SLC6A16: variants seen among roughly 807,000 people sequenced by gnomAD.
The protein encoded by SLC6A16 is solute carrier family 6 member 16.
SLC6A16 carries 54 observed loss-of-function variants against 65.4 expected under a neutral mutation model. The ratio of observed to expected loss-of-function variants is 0.83; its 90% CI spans 0.66 to 1.04. The LOEUF (loss-of-function observed/expected upper bound fraction) is 1.04. SLC6A16 is among the 50% of genes least tolerant of loss of function. The pLI, the probability that SLC6A16 is intolerant of heterozygous loss-of-function variation, is 0.00. For synonymous variants in SLC6A16, 330 were observed against 346.5 expected, an observed-to-expected ratio of 0.95 and a Z score of 0.53; for missense variants, 816 against 914.0, an observed-to-expected ratio of 0.89 and a Z score of 1.38.
chr19:49,332,777 C>T, the SLC6A16 span, among the ~76,000 whole-genome samples: 1 of 152,098 alleles, frequency 6.6e-6, no homozygotes, highest in East Asian at 1.9e-4. Flanking sequence ...ATGATGGGAA[C>T]CTGACTTAGG....
At chr19:49,315,415 A>C (rs1456119508) in intron 1 of SLC6A16, among the ~76,000 whole-genome samples, 1 of 152,202 alleles carries the variant, frequency 6.6e-6, no homozygotes, top group African/African-American at 2.4e-5. Context: ...TCTCCCTGAG[A>C]CAAATGATGC....
intron 7 of SLC6A16, 97 bp downstream of exon 7, chr19:49,308,779 T>A (rs780549807): frequency 2.7e-6 from 4 of 1,482,224 alleles, no homozygotes; most frequent in Non-Finnish European, 3.7e-6. Flanking sequence ...AAGGTTGAAA[T>A]GTGTGAACAT....
At chr19:49,317,038 TA>T (rs1160914549) in intron 1 of SLC6A16, among the ~76,000 whole-genome samples, 1 of 149,032 alleles carries the variant, frequency 6.7e-6, no homozygotes, top group East Asian at 2.0e-4. Context: ...CCTCATTCTC[TA>T]AAAAAATAAA....
At chr19:49,294,972 G>C (rs1468812520) in intron 7 of SLC6A16, among the ~76,000 whole-genome samples, 1 of 152,078 alleles carries the variant, frequency 6.6e-6, no homozygotes, top group East Asian at 1.9e-4. Flanking sequence ...GCAACTGCTT[G>C]TTCGACTTTT....
intron 1 of SLC6A16, among the ~76,000 whole-genome samples, chr19:49,316,976 G>A (rs1249492838): frequency 6.6e-6 from 1 of 151,936 alleles, no homozygotes; most frequent in African/African-American, 2.4e-5. Flanking sequence ...GTTCAAGGTT[G>A]CAGTGGGCTA....
chr19:49,309,206 G>T, intron 6 of SLC6A16, 89 bp from the exon 7 acceptor site: 1 of 1,587,252 alleles, frequency 6.3e-7, no homozygotes, highest in East Asian at 2.2e-5. Flanking sequence ...GAGAGAGGGA[G>T]ATACAAAAGT....
chr19:49,293,451 C>T, intron 9 of SLC6A16, 69 bp from the exon 10 acceptor site: 10 of 1,502,924 alleles, frequency 6.7e-6, no homozygotes, highest in Non-Finnish European at 9.2e-6. Flanking sequence ...AAGTAGAGGC[C>T]ATAGACCAGG....
In SLC6A16 at chr19:49,293,285, G is replaced by A. The variant is rs1970114576; in HGVS notation, c.1716C>T (p.Phe572=). ...CAAATACGACAACGACGATGATGGG[G>A]AAGACTATCCAGTAGTCACTCAGCA... ...IRLLSDYWIV[F]PIIVVVVFET... The change falls in exon 10 of 12, where the codon TTC becomes TTT. Residue 572 remains phenylalanine (F), a synonymous_variant. Coordinates refer to ENST00000335875, the MANE Select transcript of SLC6A16 (RefSeq NM_014037.3). 1 of 1,614,092 alleles carries A rather than the reference G, an allele frequency of 6.2e-7. No individual in the cohort carries two copies. The highest frequency in any genetic ancestry group is 8.5e-7 in the Non-Finnish European group (1 of 1,179,984).
At chr19:49,322,817 CTTTTTTTTTTTTTTTTTTTTTTTTTTTTT>C (rs536909742) in intron 1 of SLC6A16, among the ~76,000 whole-genome samples, 8 of 42,006 alleles carry the variant, frequency 1.9e-4, no homozygotes, top group East Asian at 1.4e-3. Flanking sequence ...GAATTAGTAG[CTTTTTTTTTTTTTTTTTTTTTTTTTTTTT>C]TTTTTTTTTT....
At chr19:49,325,216 G>A (rs187434014), upstream of SLC6A16, 837 of 985,166 alleles carry the variant, frequency 8.5e-4, 4 homozygotes, top group East Asian at 8.0e-3. Flanking sequence ...CTTTCCCGCC[G>A]ATTCTCTGCG....
Position 49,303,523 on chromosome 19 carries a change from C to T in SLC6A16, c.1229+5353G>A, listed in dbSNP as rs149230527. Among the ~76,000 whole-genome samples the T allele has an allele frequency of 2.2e-3, 328 of 151,952 alleles. 1 individual carries two copies. The highest frequency in any genetic ancestry group is 7.3e-3 in the African/African-American group (302 of 41,432). ...TACAAAAATTGGCTGGGCATGGTGG[C>T]GCCCACCTGTAGTCCCAGCTACTTG... On this transcript the variant is annotated intron_variant, in intron 7 of 11. Transcript: ENST00000335875.
chr19:49,315,705 T>TA (rs1448610332), intron 1 of SLC6A16, among the ~76,000 whole-genome samples: 1 of 151,936 alleles, frequency 6.6e-6, no homozygotes, highest in African/African-American at 2.4e-5. Context: ...TCTCAAGAGA[T>TA]ATAGGAAAAA....
chr19:49,325,159 C>A lies in SLC6A16; in HGVS notation c.-176G>T, dbSNP rs923950883. ...AATCTCCTCAGGCCCCTTCAGGCGTCGACAGATCGGTTTGGGCGACACCCC... is the reference window on the plus strand; with the variant it reads ...AATCTCCTCAGGCCCCTTCAGGCGTAGACAGATCGGTTTGGGCGACACCCC... On this transcript the variant is annotated 5_prime_UTR_variant, in exon 1 of 12. Coordinates refer to ENST00000335875, the MANE Select transcript of SLC6A16 (RefSeq NM_014037.3). 1.0e-6 allele frequency: 1 copy of A among 985,364 alleles called. No homozygotes were observed. Among genetic ancestry groups the A allele is most frequent in the Admixed American group, 6.1e-5 (1 of 16,272 alleles). 61.0% of individuals were successfully genotyped at this position (985,364 alleles called of 1,614,324 possible). A position where few individuals can be genotyped will look rare whatever the true frequency, so the allele number is the denominator to read the frequency against.
At position 49,292,458 on chromosome 19, in the gene SLC6A16, C is replaced by G. The variant is rs1441121782; in HGVS notation, c.1778+765G>C. On this transcript the variant is annotated intron_variant, in intron 10 of 11. Transcript: ENST00000335875. This position sits in a 1 kb window ranked among gnomAD's most constrained non-coding sequence, Gnocchi z 4.3. ...TCCTGGTCTGTTCTCCAGACAGCAG[C>G]CATAAATACCTTTTTAAAAAACAAA... 6.6e-6 allele frequency among the ~76,000 whole-genome samples: 1 copy of G among 152,172 alleles called. No individual in the cohort carries two copies. Among genetic ancestry groups the G allele is most frequent in the Non-Finnish European group, 1.5e-5 (1 of 68,036 alleles).
rs1001961909 is a variant in SLC6A16, at chr19:49,289,917, A to G, written c.*206T>C. ...ATGTGTGTTGAGGAAGAGGATGGGG[A>G]AAACAATGATGGTGGTCACCAGGTA... On this transcript the variant is annotated 3_prime_UTR_variant, in exon 12 of 12. Transcript: ENST00000335875. The G allele has an allele frequency of 9.8e-5, 58 of 592,140 alleles. No homozygotes were observed. Among genetic ancestry groups the G allele is most frequent in the Non-Finnish European group, 1.5e-4 (51 of 333,914 alleles). The allele number at this position is 592,140 out of a possible 1,614,324, so 36.7% of individuals were successfully genotyped here. A position where few individuals can be genotyped will look rare whatever the true frequency, so the allele number is the denominator to read the frequency against.
At chr19:49,337,310 G>A in the SLC6A16 span, 1 of 1,205,460 alleles carries the variant, frequency 8.3e-7, no homozygotes, top group Non-Finnish European at 1.2e-6. Context: ...ACCGAAACAA[G>A]GGCAGACAGG....
the SLC6A16 span, chr19:49,339,795 TCTGTGGGGTGGCTGGGGCATGGCGGGTGC>T: frequency 7.4e-7 from 1 of 1,357,350 alleles, no homozygotes; most frequent in Non-Finnish European, 9.5e-7. The surrounding 1 kb of genome is among the most constrained non-coding windows in gnomAD (Gnocchi z 4.5). Context: ...ACAGCGGCAG[TCTGTGGGGTGGCTGGGGCATGGCGGGTGC>T]CTGCCCCAAC....
chr19:49,337,137 T>C, the SLC6A16 span: 2 of 1,614,176 alleles, frequency 1.2e-6, no homozygotes, highest in South Asian at 2.2e-5. Context: ...CTCTCCACTC[T>C]GCTCCCCAGT....
rs1600637843 is a variant in SLC6A16, at chr19:49,310,111, T to C, written c.629A>G (p.Tyr210Cys). ...FNVVNSWIIFYMSQSFQFPVP... is the reference protein window; with the variant it reads ...FNVVNSWIIFCMSQSFQFPVP... ...GGGAAACTGGAAGGACTGGCTCATG[T>C]AGAAGATGATCCAGGAATTGACCAC... Residue 210 changes from tyrosine (Y) to cysteine (C), a missense_variant, in exon 4 of 12, where the codon TAC becomes TGC. Coordinates refer to ENST00000335875, the MANE Select transcript of SLC6A16 (RefSeq NM_014037.3). The C allele has an allele frequency of 3.1e-6, 5 of 1,613,954 alleles. No individual in the cohort carries two copies. Among genetic ancestry groups the C allele is most frequent in the Non-Finnish European group, 2.5e-6 (3 of 1,179,994 alleles).
Sources: allele counts gnomAD v4.1 joint callset (sites outside exome capture counted in the v4.1 genomes callset), GRCh38; gene constraint gnomAD v4.1.1; non-coding constraint Gnocchi (gnomAD v3.1); transcripts MANE v1.5; gene names NCBI Gene and HGNC (gene_info 2026-07-23, HGNC 2026-07-21).